SLC24A2: variants seen among roughly 807,000 people sequenced by gnomAD.
SLC24A2 encodes sodium/potassium/calcium exchanger 2.
SLC24A2 carries 36 observed loss-of-function variants against 62.0 expected under a neutral mutation model. That is an observed-to-expected ratio of 0.58 (90% CI 0.44 to 0.77). SLC24A2 has a LOEUF of 0.77. SLC24A2 is among the 30% of genes least tolerant of loss of function. The pLI, the probability that SLC24A2 is intolerant of heterozygous loss-of-function variation, is 0.00. For missense variants in SLC24A2, 846 were observed against 817.9 expected (o/e 1.03, Z -0.42); for synonymous variants, 358 against 294.0 (o/e 1.22, Z -2.23).
At chr9:20,000,612 C>G in the SLC24A2 span, among the ~76,000 whole-genome samples, 1 of 152,176 alleles carries the variant, frequency 6.6e-6, no homozygotes, top group East Asian at 1.9e-4. Context: ...CAGGAACTCA[C>G]GACACATGGA....
chr9:19,850,986 T>TACAC, the SLC24A2 span, among the ~76,000 whole-genome samples: 1 of 32,104 alleles, frequency 3.1e-5, no homozygotes, highest in African/African-American at 1.0e-4. Context: ...TATATATATG[T>TACAC]ATATATATAT....
chr9:19,921,232 G>C, the SLC24A2 span, among the ~76,000 whole-genome samples: 2 of 151,852 alleles, frequency 1.3e-5, no homozygotes, highest in Admixed American at 6.6e-5. Context: ...TAAGAATTTA[G>C]AACTTACATG....
At chr9:19,990,475 G>A in the SLC24A2 span, among the ~76,000 whole-genome samples, 29 of 151,916 alleles carry the variant, frequency 1.9e-4, no homozygotes, top group Non-Finnish European at 3.7e-4. Context: ...GCCGGGCATG[G>A]TGGCGGGCAC....
intron 9 of SLC24A2, among the ~76,000 whole-genome samples, chr9:19,526,028 CAACT>C (rs1833433765): frequency 6.6e-6 from 1 of 152,118 alleles, no homozygotes; most frequent in Non-Finnish European, 1.5e-5. Flanking sequence ...CAATCCTAGG[CAACT>C]ATTAATATTA....
chr9:19,727,656 G>A (rs1821210655), intron 2 of SLC24A2, among the ~76,000 whole-genome samples: 1 of 152,120 alleles, frequency 6.6e-6, no homozygotes, highest in Non-Finnish European at 1.5e-5. Flanking sequence ...TATTTTTTAG[G>A]CATTCAAGTA....
chr9:19,991,773 C>G, the SLC24A2 span, among the ~76,000 whole-genome samples: 52 of 151,962 alleles, frequency 3.4e-4, no homozygotes, highest in Non-Finnish European at 8.8e-5. Flanking sequence ...ATTTATTTTT[C>G]GGAAAATAAG....
chr9:19,705,067 T>C (rs1210820726), intron 2 of SLC24A2, among the ~76,000 whole-genome samples: 1 of 152,162 alleles, frequency 6.6e-6, no homozygotes, highest in Non-Finnish European at 1.5e-5. Context: ...TTCTGTGAGT[T>C]GTCCCCATTT....
At chr9:19,550,387 C>G in intron 7 of SLC24A2, 119 bp from the exon 8 acceptor site, 1 of 956,120 alleles carries the variant, frequency 1.0e-6, no homozygotes, top group Non-Finnish European at 1.6e-6. Flanking sequence ...TGGACTCGTT[C>G]CAGTAGCTTC....
At chr9:20,094,180 G>A in the SLC24A2 span, among the ~76,000 whole-genome samples, 2 of 152,104 alleles carry the variant, frequency 1.3e-5, no homozygotes, top group Admixed American at 1.3e-4. Flanking sequence ...TTTGACAAAT[G>A]GGAAATACTC....
chr9:19,696,588 G>A (rs913131186), intron 2 of SLC24A2, among the ~76,000 whole-genome samples: 1 of 151,950 alleles, frequency 6.6e-6, no homozygotes, highest in Non-Finnish European at 1.5e-5. Context: ...TGGGTCTACT[G>A]GTGTTTGCTA....
chr9:20,262,428 T>C, the SLC24A2 span, among the ~76,000 whole-genome samples: 1 of 152,090 alleles, frequency 6.6e-6, no homozygotes, highest in Non-Finnish European at 1.5e-5. Context: ...TAAAGGAAAG[T>C]GGTCATTGTT....
the SLC24A2 span, among the ~76,000 whole-genome samples, chr9:20,135,573 C>T: frequency 7.9e-5 from 12 of 151,954 alleles, no homozygotes; most frequent in African/African-American, 2.4e-4. Context: ...CGATAACATA[C>T]GTAGAGTTTA....
At chr9:19,967,711 G>A in the SLC24A2 span, 1 of 152,248 alleles carries the variant, frequency 6.6e-6, no homozygotes, top group African/African-American at 2.4e-5. Flanking sequence ...TCTTCATTAA[G>A]AATTTCCACC....
chr9:20,151,860 C>T, the SLC24A2 span, among the ~76,000 whole-genome samples: 1 of 151,676 alleles, frequency 6.6e-6, no homozygotes, highest in Non-Finnish European at 1.5e-5. Context: ...AATCTCACCT[C>T]CAATAAGTTG....
the SLC24A2 span, among the ~76,000 whole-genome samples, chr9:20,060,006 T>C: frequency 2.0e-5 from 3 of 152,042 alleles, no homozygotes; most frequent in Non-Finnish European, 4.4e-5. Flanking sequence ...AAAAGGACTA[T>C]AAGAGAACAC....
the SLC24A2 span, among the ~76,000 whole-genome samples, chr9:20,189,222 C>G: frequency 3.9e-5 from 6 of 152,182 alleles, no homozygotes; most frequent in African/African-American, 1.4e-4. Flanking sequence ...AGATTTACTA[C>G]TCCACACAAG....
intron 9 of SLC24A2, among the ~76,000 whole-genome samples, chr9:19,524,736 C>T (rs559542386): frequency 3.6e-4 from 55 of 152,190 alleles, no homozygotes; most frequent in African/African-American, 1.2e-3. Flanking sequence ...GGCTTTCATT[C>T]GTCTTGGCTT....
chr9:19,795,036 T>C, the SLC24A2 span, among the ~76,000 whole-genome samples: 2 of 151,934 alleles, frequency 1.3e-5, no homozygotes, highest in Non-Finnish European at 2.9e-5. Flanking sequence ...AGAAGGAAGG[T>C]GCTGCTGTGT....
At chr9:20,279,781 A>C in the SLC24A2 span, among the ~76,000 whole-genome samples, 1 of 152,142 alleles carries the variant, frequency 6.6e-6, no homozygotes, top group African/African-American at 2.4e-5. Flanking sequence ...TGAACTGATC[A>C]TTTCACCTCC....
Sources: gnomAD v4.1 joint callset for allele counts (sites outside exome capture counted in the v4.1 genomes callset) on GRCh38, gnomAD v4.1.1 for gene constraint, MANE v1.5 for transcripts, NCBI Gene and HGNC (gene_info 2026-07-23, HGNC 2026-07-21) for gene names.